The following COP1 variants were observed in gnomAD, a reference collection of about 807,000 sequenced individuals.
The protein encoded by COP1 is COP1 E3 ubiquitin ligase.
Under a neutral mutation model 101.3 loss-of-function variants are expected in COP1, and 24 were observed. That is an observed-to-expected ratio of 0.24 (90% CI 0.17 to 0.33). The LOEUF is 0.33. COP1 is among the 10% of genes least tolerant of loss of function. COP1 has a pLI of 1.00. For synonymous variants in COP1, 347 were observed against 341.9 expected (o/e 1.01, Z -0.17); for missense variants, 663 against 906.2 (o/e 0.73, Z 3.45).
At position 176,043,851 on chromosome 1, in the gene COP1, T is replaced by A. The variant is rs1351226412; in HGVS notation, c.1422-33A>T. The A allele has an allele frequency of 3.4e-6, 4 of 1,163,992 alleles. No individual in the cohort carries two copies. The African/African-American group carries it at 6.1e-5, about 18-fold the overall frequency. The allele number at this position is 1,163,992 out of a possible 1,614,324, so 72.1% of individuals were successfully genotyped here. A position where few individuals can be genotyped will look rare whatever the true frequency, so the allele number is the denominator to read the frequency against. ...AAATACAGTTAAAAGTTACTTTACA[T>A]AAAAATAAATAACAATGGGATAAAA... On this transcript the variant is annotated intron_variant, in intron 12 of 19. Transcript: ENST00000367669.
At chr1:175,949,194 G>GAAAAAAAAAAAAAAAAAAA (rs1649567940) in intron 18 of COP1, among the ~76,000 whole-genome samples, 4 of 35,800 alleles carry the variant, frequency 1.1e-4, no homozygotes, top group African/African-American at 3.1e-4. Context: ...AAAAAAAAAT[G>GAAAAAAAAAAAAAAAAAAA]AACATGGGTA....
chr1:176,101,626 G>A (rs748716459), intron 9 of COP1, among the ~76,000 whole-genome samples: 5 of 152,260 alleles, frequency 3.3e-5, no homozygotes, highest in South Asian at 2.1e-4. Flanking sequence ...TTTACTAGTC[G>A]GGCTTCTGCC....
intron 1 of COP1, among the ~76,000 whole-genome samples, chr1:176,193,841 T>C (rs951775896): frequency 2.0e-5 from 3 of 152,192 alleles, no homozygotes; most frequent in African/African-American, 7.2e-5. Flanking sequence ...CTTTAGGGGC[T>C]GATAAAAATG....
intron 15 of COP1, chr1:176,017,130 T>C (rs776907394): frequency 9.2e-5 from 14 of 152,220 alleles, no homozygotes; most frequent in Non-Finnish European, 1.9e-4. Flanking sequence ...TCTTATTAAA[T>C]GTTCAATGAA....
At position 176,105,329 on chromosome 1, in the gene COP1, T is replaced by A. The variant is rs189154763; in HGVS notation, c.1026+11295A>T. Reference sequence around the variant, plus strand: ...ACAAATAGAAGTAAATGAACCTAACTGTATTTCAAAGAAATATCACAACGA... The same window carrying A: ...ACAAATAGAAGTAAATGAACCTAACAGTATTTCAAAGAAATATCACAACGA... On this transcript the variant is annotated intron_variant, in intron 9 of 19. Coordinates refer to ENST00000367669, the MANE Select transcript of COP1 (RefSeq NM_022457.7). Among the ~76,000 whole-genome samples, 9 of 152,304 alleles carry A rather than the reference T, an allele frequency of 5.9e-5. No individual in the cohort carries two copies. The East Asian group carries it at 1.7e-3, about 29-fold the overall frequency.
At chr1:176,104,642 G>A (rs1683996721) in intron 9 of COP1, among the ~76,000 whole-genome samples, 1 of 152,084 alleles carries the variant, frequency 6.6e-6, no homozygotes, top group Non-Finnish European at 1.5e-5. Flanking sequence ...TAAAAACTAT[G>A]AAACTTTTCA....
intron 18 of COP1, chr1:175,982,273 A>C: frequency 2.3e-6 from 1 of 439,134 alleles, no homozygotes. Context: ...AAAGATATGA[A>C]ATCAACCTAA....
chr1:176,143,139 C>T (rs6691949), intron 6 of COP1, among the ~76,000 whole-genome samples: 8 of 48,876 alleles, frequency 1.6e-4, no homozygotes, highest in African/African-American at 4.7e-4. Context: ...AGAGAGAGAG[C>T]GAGAGAAAGA....
chr1:176,171,234 T>C (rs1188438320), intron 3 of COP1, among the ~76,000 whole-genome samples: 1 of 152,198 alleles, frequency 6.6e-6, no homozygotes, highest in Non-Finnish European at 1.5e-5. Flanking sequence ...CTGGATAATT[T>C]GCTACAGCTT....
intron 8 of COP1, among the ~76,000 whole-genome samples, chr1:176,122,210 A>G (rs1035265350): frequency 1.3e-5 from 2 of 152,114 alleles, no homozygotes; most frequent in African/African-American, 4.8e-5. Context: ...CTGAAAATCA[A>G]ATGCTGTTTT....
intron 14 of COP1, among the ~76,000 whole-genome samples, chr1:176,033,547 T>C (rs958373046): frequency 1.3e-5 from 2 of 152,176 alleles, no homozygotes; most frequent in African/African-American, 2.4e-5. Flanking sequence ...TTAAAGAATG[T>C]GTTTAATTCA....
chr1:176,073,801 C>T (rs1179610707), intron 11 of COP1, among the ~76,000 whole-genome samples: 2 of 152,160 alleles, frequency 1.3e-5, no homozygotes, highest in Non-Finnish European at 2.9e-5. Flanking sequence ...GTTTCTGGTT[C>T]GGCCTTTTCT....
chr1:176,140,182 T>A (rs1690449676), intron 6 of COP1, among the ~76,000 whole-genome samples: 2 of 152,172 alleles, frequency 1.3e-5, no homozygotes, highest in Non-Finnish European at 2.9e-5. Context: ...TTTTACTGGA[T>A]CATATACCTA....
chr1:176,033,327 T>C (rs746501529), intron 14 of COP1, among the ~76,000 whole-genome samples: 40 of 152,104 alleles, frequency 2.6e-4, no homozygotes, highest in Non-Finnish European at 5.1e-4. Flanking sequence ...CTTGGGAGGC[T>C]GAGGCAGGAG....
chr1:176,110,409 A>G (rs781110822), intron 9 of COP1, among the ~76,000 whole-genome samples: 4 of 152,286 alleles, frequency 2.6e-5, no homozygotes, highest in Middle Eastern at 6.8e-3. Flanking sequence ...TATGTAAGGC[A>G]TTCTCCACCT....
At chr1:176,176,393 T>C (rs1246817655) in intron 2 of COP1, among the ~76,000 whole-genome samples, 2 of 151,806 alleles carry the variant, frequency 1.3e-5, no homozygotes, top group Non-Finnish European at 2.9e-5. Flanking sequence ...TTCATTGAAA[T>C]AAAAAAGAGA....
At position 175,995,435 on chromosome 1, in the gene COP1, CA is replaced by C. The variant is rs566089406; in HGVS notation, c.1730-5957del. ...GGAAATACAGACACAAAAAACCCTT[CA>C]AAAAAATTAATGAATCCAGGAGCTG... On this transcript the variant is annotated intron_variant, in intron 15 of 19. Transcript: ENST00000367669. Among the ~76,000 whole-genome samples the C allele has an allele frequency of 6.6e-3, 1,010 of 151,976 alleles. 9 individuals carry two copies. The highest frequency in any genetic ancestry group is 0.023 in the African/African-American group (958 of 41,432).
intron 15 of COP1, among the ~76,000 whole-genome samples, chr1:176,005,330 GT>G (rs1662861517): frequency 6.6e-6 from 1 of 152,110 alleles, no homozygotes; most frequent in African/African-American, 2.4e-5. Context: ...TTTTTGTAGG[GT>G]TTTTTGTGTC....
intron 8 of COP1, among the ~76,000 whole-genome samples, chr1:176,119,526 T>C (rs910552770): frequency 6.6e-6 from 1 of 152,160 alleles, no homozygotes; most frequent in African/African-American, 2.4e-5. Flanking sequence ...ATGAAACTTA[T>C]TTTCTACCAG....
Sources: allele counts gnomAD v4.1 joint callset (sites outside exome capture counted in the v4.1 genomes callset), GRCh38; gene constraint gnomAD v4.1.1; transcripts MANE v1.5; gene names NCBI Gene and HGNC (gene_info 2026-07-23, HGNC 2026-07-21).